The following UBE4B variants were observed in gnomAD, a reference collection of about 807,000 sequenced individuals.
UBE4B encodes ubiquitin conjugation factor E4 B.
In UBE4B, 27 loss-of-function variants were observed where a neutral mutation model predicts 148.1. That is an observed-to-expected ratio of 0.18 (90% CI 0.13 to 0.25). The LOEUF (loss-of-function observed/expected upper bound fraction) is 0.25, where lower values mean the gene tolerates loss of function less well. Among genes scored for constraint, UBE4B ranks in the 10% least tolerant of loss-of-function variants. The pLI is 1.00. For missense variants in UBE4B, 1,170 were observed against 1,662.4 expected (o/e 0.70, Z 5.15); for synonymous variants, 596 against 619.3 (o/e 0.96, Z 0.56).
chr1:10,159,487 A>G (rs905934486), intron 22 of UBE4B, among the ~76,000 whole-genome samples: 5 of 152,230 alleles, frequency 3.3e-5, no homozygotes, highest in Admixed American at 6.5e-5. Flanking sequence ...CCTGGCTAAC[A>G]TGGTGAAACC....
In UBE4B at chr1:10,106,774, A is replaced by C. The variant is rs1301832771; in HGVS notation, c.1196+191A>C. ...TTCTGCCAGGCTCTAATCATGCTGGAAAGTTTGGGTTGCTCTATTCTATTG... is the reference window on the plus strand; with the variant it reads ...TTCTGCCAGGCTCTAATCATGCTGGCAAGTTTGGGTTGCTCTATTCTATTG... On this transcript the variant is annotated intron_variant, in intron 7 of 27. Coordinates refer to ENST00000343090, the MANE Select transcript of UBE4B (RefSeq NM_001105562.3). The surrounding 1 kb of genome is among the most constrained non-coding windows in gnomAD (Gnocchi z 4.2). 6.6e-6 allele frequency among the ~76,000 whole-genome samples: 1 copy of C among 152,170 alleles called. No individual in the cohort carries two copies. The highest frequency in any genetic ancestry group is 2.4e-5 in the African/African-American group (1 of 41,442).
intron 1 of UBE4B, among the ~76,000 whole-genome samples, chr1:10,063,440 A>C (rs1217391127): frequency 1.3e-5 from 2 of 152,166 alleles, no homozygotes; most frequent in Non-Finnish European, 2.9e-5. Context: ...CAGGCCTGAA[A>C]TCTAGATTAT....
chr1:10,047,005 G>A (rs1451481517), intron 1 of UBE4B, among the ~76,000 whole-genome samples: 1 of 152,192 alleles, frequency 6.6e-6, no homozygotes, highest in African/African-American at 2.4e-5. Context: ...TACAGGCCAT[G>A]TTGGCATGCA....
At chr1:10,163,806 C>G (rs949551283) in intron 23 of UBE4B, among the ~76,000 whole-genome samples, 6 of 151,170 alleles carry the variant, frequency 4.0e-5, no homozygotes, top group Non-Finnish European at 7.4e-5. Context: ...GAGTCTCACT[C>G]TGTCACCCAG....
chr1:10,146,488 T>C lies in UBE4B; in HGVS notation c.2464-475T>C, dbSNP rs1024555542. 8.5e-5 allele frequency among the ~76,000 whole-genome samples: 13 copies of C among 152,274 alleles called. No individual in the cohort carries two copies. The East Asian group carries it at 2.3e-3, about 27-fold the overall frequency. On this transcript the variant is annotated intron_variant, in intron 18 of 27. Transcript: ENST00000343090. ...ATAAGAAACATAAAAACTGCTTAAA[T>C]GTATACATCAGTGTGTGCATGCATG... is the stretch of plus-strand genomic sequence containing the variant.
intron 19 of UBE4B, among the ~76,000 whole-genome samples, chr1:10,148,743 C>T (rs1329195735): frequency 6.6e-6 from 1 of 151,876 alleles, no homozygotes; most frequent in Non-Finnish European, 1.5e-5. Context: ...AGTTCGAGAC[C>T]AGCCTGGCCA....
intron 14 of UBE4B, among the ~76,000 whole-genome samples, chr1:10,131,753 C>A (rs1469331184): frequency 6.6e-6 from 1 of 151,966 alleles, no homozygotes; most frequent in African/African-American, 2.4e-5. Context: ...CAGTTTGAGA[C>A]CAGCCTGACC....
intron 2 of UBE4B, among the ~76,000 whole-genome samples, chr1:10,091,031 G>T (rs1395849496): frequency 1.3e-5 from 2 of 152,142 alleles, no homozygotes; most frequent in East Asian, 1.9e-4. Context: ...AGTTATAGAA[G>T]TTGGATACTG....
intron 14 of UBE4B, among the ~76,000 whole-genome samples, chr1:10,131,297 C>G (rs952568398): frequency 6.6e-6 from 1 of 151,732 alleles, no homozygotes; most frequent in Non-Finnish European, 1.5e-5. Flanking sequence ...GCCAACATGA[C>G]GAAACCCCGT....
chr1:10,141,698 C>A (rs1369935434), intron 17 of UBE4B, among the ~76,000 whole-genome samples: 1 of 151,986 alleles, frequency 6.6e-6, no homozygotes, highest in East Asian at 1.9e-4. Flanking sequence ...GTTCTGGAAG[C>A]GAAGAGGGAT....
chr1:10,121,090 C>T (rs764630803), intron 9 of UBE4B, among the ~76,000 whole-genome samples: 3 of 152,042 alleles, frequency 2.0e-5, no homozygotes, highest in South Asian at 4.1e-4. Flanking sequence ...TACGGCCAGG[C>T]GTGGTGGCTT....
At chr1:10,175,613 T>A (rs181031931) in intron 25 of UBE4B, among the ~76,000 whole-genome samples, 2,527 of 151,952 alleles carry the variant, frequency 0.017, 74 homozygotes, top group African/African-American at 0.057. Context: ...ATCGCGCCAC[T>A]GCACTCCAGC....
chr1:10,132,603 A>G lies in UBE4B; in HGVS notation c.2025+121A>G, dbSNP rs1175415408. On this transcript the variant is annotated intron_variant, in intron 15 of 27. Transcript: ENST00000343090. The stretch of plus-strand genomic sequence containing the variant: ...GGTACAGTATTGAACAAGGTAGACG[A>G]GCTTCCTGCTTTTGTGGAGCCCATG... 3 of 732,230 alleles carry G rather than the reference A, an allele frequency of 4.1e-6. 1 individual carries two copies. Among genetic ancestry groups the G allele is most frequent in the Non-Finnish European group, 6.7e-6 (3 of 447,266 alleles). 45.4% of individuals were successfully genotyped at this position (732,230 alleles called of 1,614,324 possible). A position where few individuals can be genotyped will look rare whatever the true frequency, so the allele number is the denominator to read the frequency against.
chr1:10,060,054 T>C (rs1201847118), intron 1 of UBE4B, among the ~76,000 whole-genome samples: 3 of 152,102 alleles, frequency 2.0e-5, no homozygotes, highest in Non-Finnish European at 4.4e-5. Flanking sequence ...GAGCCAGTCC[T>C]GTTCTATTCA....
chr1:10,136,965 C>T (rs35609175), intron 16 of UBE4B, 102 bp from the exon 17 acceptor site: 13,441 of 1,276,914 alleles, frequency 0.011, 105 homozygotes, highest in Non-Finnish European at 0.013. Flanking sequence ...TATCTTTAAA[C>T]TTCATAAAAA....
At chr1:10,072,516 A>T (rs1270326123) in intron 2 of UBE4B, 2 of 713,872 alleles carry the variant, frequency 2.8e-6, no homozygotes, top group Non-Finnish European at 5.2e-6. Flanking sequence ...TGATTTTATG[A>T]ATTTGGTTGA....
At position 10,108,205 on chromosome 1, in the gene UBE4B, C is replaced by T. The variant is rs142095509; in HGVS notation, c.1196+1622C>T. Among the ~76,000 whole-genome samples the T allele has an allele frequency of 1.7e-3, 256 of 150,792 alleles. 5 individuals are homozygous for T. In the East Asian group the frequency reaches 0.039, roughly 23 times the overall value. On this transcript the variant is annotated intron_variant, in intron 7 of 27. Transcript: ENST00000343090. ...CTTCCCACCCCCTCCCAGCCTCCAC[C>T]GCCCCCCTGTTCACCCCCATTGAGC...
Position 10,157,731 on chromosome 1 carries a change from C to G in UBE4B, c.2927-625C>G, listed in dbSNP as rs568015274. On this transcript the variant is annotated intron_variant, in intron 21 of 27. Coordinates refer to ENST00000343090, the MANE Select transcript of UBE4B (RefSeq NM_001105562.3). ...GGCAGAGGTTGCAGTGAGCTGAGAT[C>G]GTGCTACTGCACTCCAGCCTGGCGA... 1.5e-3 allele frequency among the ~76,000 whole-genome samples: 221 copies of G among 152,196 alleles called. 1 individual carries two copies. Among genetic ancestry groups the G allele is most frequent in the African/African-American group, 4.9e-3 (203 of 41,510 alleles).
At chr1:10,064,376 C>T (rs1388264907) in intron 1 of UBE4B, among the ~76,000 whole-genome samples, 1 of 152,234 alleles carries the variant, frequency 6.6e-6, no homozygotes, top group African/African-American at 2.4e-5. Context: ...CACAAGCAAA[C>T]TGCTGATCGC....
Sources: allele counts gnomAD v4.1 joint callset (sites outside exome capture counted in the v4.1 genomes callset), GRCh38; gene constraint gnomAD v4.1.1; non-coding constraint Gnocchi (gnomAD v3.1); transcripts MANE v1.5; gene names NCBI Gene and HGNC (gene_info 2026-07-23, HGNC 2026-07-21).